RAB3IP: variants seen among roughly 807,000 people sequenced by gnomAD.
RAB3IP encodes rab-3A-interacting protein.
RAB3IP carries 36 observed loss-of-function variants against 59.1 expected under a neutral mutation model. The observed-to-expected ratio is 0.61, with a 90% CI of 0.47 to 0.80. The LOEUF (loss-of-function observed/expected upper bound fraction) is 0.80. Ranked by LOEUF, RAB3IP falls within the 30% of genes least tolerant of loss-of-function variation. The pLI is 0.00. For missense variants in RAB3IP, 511 were observed against 536.0 expected (o/e 0.95, Z 0.46); for synonymous variants, 207 against 191.2 (o/e 1.08, Z -0.68).
intron 8 of RAB3IP, 72 bp downstream of exon 8, chr12:69,801,793 T>C: frequency 1.1e-6 from 1 of 948,060 alleles, no homozygotes. Context: ...GTTATTTAGT[T>C]TTTCTGGTTT....
At chr12:69,806,544 T>C (rs1279911628) in intron 8 of RAB3IP, among the ~76,000 whole-genome samples, 13 of 150,274 alleles carry the variant, frequency 8.7e-5, no homozygotes, top group Non-Finnish European at 3.0e-5. Context: ...TGCTAGCTTT[T>C]GAATGTGTTT....
intron 7 of RAB3IP, among the ~76,000 whole-genome samples, chr12:69,801,234 T>C (rs1472210812): frequency 6.6e-6 from 1 of 152,210 alleles, no homozygotes; most frequent in African/African-American, 2.4e-5. Flanking sequence ...TATATTGCTG[T>C]GGTATAAATG....
intron 4 of RAB3IP, among the ~76,000 whole-genome samples, chr12:69,787,751 C>G (rs1875927148): frequency 6.6e-6 from 1 of 151,876 alleles, no homozygotes; most frequent in East Asian, 1.9e-4. Flanking sequence ...GATCCTGTAC[C>G]TGATCAGTAC....
At chr12:69,767,483 C>G (rs1161049901) in intron 3 of RAB3IP, among the ~76,000 whole-genome samples, 1 of 152,238 alleles carries the variant, frequency 6.6e-6, no homozygotes, top group African/African-American at 2.4e-5. Context: ...TCACTCATGG[C>G]AAGCACAAAC....
chr12:69,819,180 C>T lies in RAB3IP; in HGVS notation c.*3734C>T, dbSNP rs143343397. The T allele has an allele frequency of 1.2e-4, 19 of 152,300 alleles. No individual in the cohort carries two copies. Among genetic ancestry groups the T allele is most frequent in the African/African-American group, 4.6e-4 (19 of 41,570 alleles). The allele number at this position is 152,300 out of a possible 1,614,324, so 9.4% of individuals were successfully genotyped here. ...ATTATGAATCAAGCATTATTACTAGCTCAGTTATATGTGCCTTCATTCCAA... is the reference window on the plus strand; with the variant it reads ...ATTATGAATCAAGCATTATTACTAGTTCAGTTATATGTGCCTTCATTCCAA... On this transcript the variant is annotated 3_prime_UTR_variant, in exon 11 of 11. Coordinates refer to ENST00000247833, the MANE Select transcript of RAB3IP (RefSeq NM_022456.5).
intron 3 of RAB3IP, among the ~76,000 whole-genome samples, chr12:69,768,759 A>G (rs887684745): frequency 1.3e-5 from 2 of 152,074 alleles, no homozygotes; most frequent in South Asian, 4.2e-4. Flanking sequence ...TCCAGTGTCT[A>G]CTACTCCAGT....
intron 1 of RAB3IP, among the ~76,000 whole-genome samples, chr12:69,742,004 A>C (rs897581645): frequency 3.9e-5 from 6 of 152,234 alleles, no homozygotes; most frequent in African/African-American, 1.4e-4. Context: ...TAGGGGTTAA[A>C]GGAAACTGTT....
Position 69,821,198 on chromosome 12 carries a change from C to T in RAB3IP, c.*5752C>T, listed in dbSNP as rs940496545. On this transcript the variant is annotated 3_prime_UTR_variant, in exon 11 of 11. Transcript: ENST00000247833. ...CCCAGATTTAACCGCAGCAGCTCAG[C>T]TTTTATCTGTATCTGTTGGAGCTCT... 6 of 152,176 alleles carry T rather than the reference C, an allele frequency of 3.9e-5. No individual in the cohort carries two copies. The highest frequency in any genetic ancestry group is 7.3e-5 in the Non-Finnish European group (5 of 68,104). The allele number at this position is 152,176 out of a possible 1,614,324, so 9.4% of individuals were successfully genotyped here. A position where few individuals can be genotyped will look rare whatever the true frequency, so the allele number is the denominator to read the frequency against.
chr12:69,790,062 T>A (rs746922615), intron 4 of RAB3IP, among the ~76,000 whole-genome samples: 5 of 152,184 alleles, frequency 3.3e-5, no homozygotes, highest in Non-Finnish European at 5.9e-5. Context: ...ACAGCACAGT[T>A]CTGGAATGTT....
At chr12:69,749,434 T>G (rs923984152) in intron 1 of RAB3IP, among the ~76,000 whole-genome samples, 1 of 152,196 alleles carries the variant, frequency 6.6e-6, no homozygotes, top group South Asian at 2.1e-4. Flanking sequence ...ACTGCTGTTA[T>G]GTAGTATTAT....
rs1881565908 is a variant in RAB3IP, at chr12:69,820,353, C to T, written c.*4907C>T. The T allele has an allele frequency of 6.6e-6, 1 of 152,128 alleles. No individual in the cohort carries two copies. Among genetic ancestry groups the T allele is most frequent in the South Asian group, 2.1e-4 (1 of 4,804 alleles). 9.4% of individuals were successfully genotyped at this position (152,128 alleles called of 1,614,324 possible). A position where few individuals can be genotyped will look rare whatever the true frequency, so the allele number is the denominator to read the frequency against. ...CGAGACATCTTAAATCTGTCTACCTCCCTCCATGTCCACTGCTACCACTCT... is the reference window on the plus strand; with the variant it reads ...CGAGACATCTTAAATCTGTCTACCTTCCTCCATGTCCACTGCTACCACTCT... On this transcript the variant is annotated 3_prime_UTR_variant, in exon 11 of 11. Transcript: ENST00000247833.
intron 3 of RAB3IP, among the ~76,000 whole-genome samples, chr12:69,761,614 A>T (rs1467437734): frequency 2.0e-5 from 3 of 152,202 alleles, no homozygotes; most frequent in Admixed American, 6.5e-5. Flanking sequence ...TACTTCTGAG[A>T]TTCATGAGGA....
intron 8 of RAB3IP, among the ~76,000 whole-genome samples, chr12:69,804,845 A>C (rs1878990804): frequency 6.6e-6 from 1 of 151,916 alleles, no homozygotes; most frequent in African/African-American, 2.4e-5. Flanking sequence ...GTTCTGTTCC[A>C]TTGGTCTATA....
chr12:69,804,657 T>C (rs1189776916), intron 8 of RAB3IP, among the ~76,000 whole-genome samples: 12 of 151,652 alleles, frequency 7.9e-5, no homozygotes, highest in African/African-American at 2.9e-4. Flanking sequence ...TAATCCATCT[T>C]GAATTAATTT....
chr12:69,780,378 C>T (rs969868634), intron 3 of RAB3IP, among the ~76,000 whole-genome samples: 7 of 152,178 alleles, frequency 4.6e-5, no homozygotes, highest in Non-Finnish European at 8.8e-5. Context: ...GACAGTTTAC[C>T]AACTGCAGGG....
chr12:69,771,621 G>C (rs1487692961), intron 3 of RAB3IP, among the ~76,000 whole-genome samples: 1 of 152,142 alleles, frequency 6.6e-6, no homozygotes, highest in African/African-American at 2.4e-5. Context: ...TGGGAGTGCA[G>C]CTGTCTCTTT....
rs570627145 is a variant in RAB3IP at position 69,741,998 on chromosome 12, G to T, written c.-26+2967G>T. ...CATCTACTCTGCAAGTCACAGTAGG[G>T]GTTAAAGGAAACTGTTCTTAAGGAA... On this transcript the variant is annotated intron_variant, in intron 1 of 10. Coordinates refer to ENST00000247833, the MANE Select transcript of RAB3IP (RefSeq NM_022456.5). Among the ~76,000 whole-genome samples, 16 of 152,244 alleles carry T rather than the reference G, an allele frequency of 1.1e-4. No homozygotes were observed. In the South Asian group the frequency reaches 3.3e-3, roughly 32 times the overall value.
At position 69,818,610 on chromosome 12, in the gene RAB3IP, G is replaced by A. The variant is rs191121385; in HGVS notation, c.*3164G>A. On this transcript the variant is annotated 3_prime_UTR_variant, in exon 11 of 11. Coordinates refer to ENST00000247833, the MANE Select transcript of RAB3IP (RefSeq NM_022456.5). ...GGTGTAATGTGTTCACAGAATGGGT[G>A]ATTATTACATGGCAGCAAAATGAAT... 1 of 152,274 alleles carries A rather than the reference G, an allele frequency of 6.6e-6. No homozygotes were observed. The highest frequency in any genetic ancestry group is 1.9e-4 in the East Asian group (1 of 5,188). 9.4% of individuals were successfully genotyped at this position (152,274 alleles called of 1,614,324 possible). A position where few individuals can be genotyped will look rare whatever the true frequency, so the allele number is the denominator to read the frequency against.
chr12:69,764,152 G>A (rs1871815735), intron 3 of RAB3IP, among the ~76,000 whole-genome samples: 1 of 152,050 alleles, frequency 6.6e-6, no homozygotes, highest in East Asian at 1.9e-4. Context: ...GTTGAATGGT[G>A]GTAATTCTTT....
Sources: gnomAD v4.1 joint callset for allele counts (sites outside exome capture counted in the v4.1 genomes callset) on GRCh38, gnomAD v4.1.1 for gene constraint, MANE v1.5 for transcripts, NCBI Gene and HGNC (gene_info 2026-07-23, HGNC 2026-07-21) for gene names.